Variants in LRP2BP observed in about 807,000 individuals in gnomAD.
LRP2BP encodes LRP2-binding protein.
A neutral mutation model predicts 45.2 loss-of-function variants in LRP2BP; 38 were observed. The observed-to-expected ratio is 0.84, with a 90% confidence interval of 0.65 to 1.10. The LOEUF (loss-of-function observed/expected upper bound fraction) is 1.10. LRP2BP is among the 50% of genes least tolerant of loss of function. The pLI is 0.00. For synonymous variants in LRP2BP, 153 were observed against 153.9 expected, an observed-to-expected ratio of 0.99 and a Z score of 0.04; for missense variants, 385 against 418.9, an observed-to-expected ratio of 0.92 and a Z score of 0.71.
chr4:185,371,482 CA>C (rs1367156525), intron 7 of LRP2BP, among the ~76,000 whole-genome samples: 1 of 143,246 alleles, frequency 7.0e-6, no homozygotes, highest in East Asian at 2.1e-4. Flanking sequence ...GCAGAGCTTG[CA>C]GTGAGCCGAG....
At chr4:185,390,004 A>G (rs1419554786) in intron 1 of LRP2BP, among the ~76,000 whole-genome samples, 3 of 152,266 alleles carry the variant, frequency 2.0e-5, no homozygotes, top group African/African-American at 4.8e-5. Context: ...AACTATGGGC[A>G]TAAGAATTCC....
rs1406356344 is a variant in LRP2BP at position 185,394,946 on chromosome 4, CGCCTGG to C, written c.-195_-190del. On this transcript the variant is annotated 5_prime_UTR_variant, in exon 1 of 9. Transcript: ENST00000505916. ...TAGAAAATTGATCCCACCTGCTACA[CGCCTGG>C]TGAAACTCCAGTTACTTGCCAGTAA... The C allele has an allele frequency of 4.1e-6, 4 of 985,384 alleles. No homozygotes were observed. The African/African-American group carries it at 7.0e-5, about 17-fold the overall frequency. 61.0% of individuals were successfully genotyped at this position (985,384 alleles called of 1,614,324 possible). A position where few individuals can be genotyped will look rare whatever the true frequency, so the allele number is the denominator to read the frequency against.
intron 1 of LRP2BP, among the ~76,000 whole-genome samples, chr4:185,394,157 C>G (rs1323165304): frequency 6.6e-6 from 1 of 151,058 alleles, no homozygotes. Context: ...ACTTGGGTGG[C>G]TGACGCACGA....
intron 1 of LRP2BP, among the ~76,000 whole-genome samples, chr4:185,391,130 G>A (rs1193699299): frequency 2.0e-5 from 3 of 152,288 alleles, no homozygotes; most frequent in Admixed American, 6.5e-5. Flanking sequence ...AATACTAGCC[G>A]TGTATCCTAA....
chr4:185,387,690 G>A (rs1345196882), intron 1 of LRP2BP, among the ~76,000 whole-genome samples: 1 of 152,192 alleles, frequency 6.6e-6, no homozygotes, highest in African/African-American at 2.4e-5. Flanking sequence ...ATTGGCCACA[G>A]ATGGACAGCC....
At position 185,393,359 on chromosome 4, in the gene LRP2BP, A is replaced by G. The variant is rs146037190; in HGVS notation, c.-22+1420T>C. Among the ~76,000 whole-genome samples, 889 of 152,328 alleles carry G rather than the reference A, an allele frequency of 5.8e-3. 10 individuals are homozygous for G. Among genetic ancestry groups the G allele is most frequent in the African/African-American group, 0.02 (827 of 41,570 alleles). On this transcript the variant is annotated intron_variant, in intron 1 of 8. Coordinates refer to ENST00000505916, the MANE Select transcript of LRP2BP (RefSeq NM_001377440.1). The stretch of plus-strand genomic sequence containing the variant: ...GGTATTCTCAATTACTCCTCCTTTC[A>G]ATACTGTGCCTTTTGGTAATGCTTT...
intron 7 of LRP2BP, among the ~76,000 whole-genome samples, chr4:185,371,701 T>A (rs2095416748): frequency 6.6e-6 from 1 of 152,168 alleles, no homozygotes; most frequent in Admixed American, 6.5e-5. Flanking sequence ...GCGCCGAAGA[T>A]TTTAAAGAAT....
intron 1 of LRP2BP, chr4:185,379,020 T>G (rs6812770): frequency 1.0e-6 from 1 of 971,726 alleles, no homozygotes; most frequent in Non-Finnish European, 1.2e-6. Context: ...ATAAATTGCT[T>G]AAGTGAGAAT....
At chr4:185,385,913 G>GT (rs1561091027) in intron 1 of LRP2BP, among the ~76,000 whole-genome samples, 1 of 147,744 alleles carries the variant, frequency 6.8e-6, no homozygotes, top group Non-Finnish European at 1.5e-5. Flanking sequence ...GGAGGGGGGG[G>GT]GGGAGATAAA....
rs918177895 is a variant in LRP2BP at position 185,367,135 on chromosome 4, T to G, written c.*45A>C. 4.1e-6 allele frequency: 6 copies of G among 1,465,738 alleles called. No individual in the cohort carries two copies. The African/African-American group carries it at 8.4e-5, about 20-fold the overall frequency. The allele number at this position is 1,465,738 out of a possible 1,614,324, so 90.8% of individuals were successfully genotyped here. On this transcript the variant is annotated 3_prime_UTR_variant, in exon 9 of 9. Coordinates refer to ENST00000505916, the MANE Select transcript of LRP2BP (RefSeq NM_001377440.1). ...ATAGCTACTGTAAAAATACACACAT[T>G]GTGAGGTGTTAGCATTGATGATCTT... is the stretch of plus-strand genomic sequence containing the variant.
intron 4 of LRP2BP, among the ~76,000 whole-genome samples, chr4:185,375,186 T>C (rs2095429074): frequency 6.6e-6 from 1 of 151,216 alleles, no homozygotes; most frequent in Non-Finnish European, 1.5e-5. Context: ...TGATCTTGGC[T>C]CACTGCAGCC....
chr4:185,393,724 C>T (rs1302397219), intron 1 of LRP2BP, among the ~76,000 whole-genome samples: 2 of 151,938 alleles, frequency 1.3e-5, no homozygotes, highest in Non-Finnish European at 2.9e-5. Context: ...CGGGGTTTCA[C>T]CATGTTGGCC....
intron 6 of LRP2BP, 59 bp from the exon 7 acceptor site, chr4:185,373,138 A>G: frequency 7.0e-7 from 1 of 1,438,230 alleles, no homozygotes; most frequent in Non-Finnish European, 9.7e-7. Flanking sequence ...ATTATAAGGG[A>G]ATACTAGACA....
In LRP2BP at chr4:185,395,013, T is replaced by G; in HGVS notation, c.-256A>C. On this transcript the variant is annotated 5_prime_UTR_variant, in exon 1 of 9. Transcript: ENST00000505916. ...CCCAAATGTACTTATCCTGTTTTTG[T>G]GCATTATAAGCTTTGTTCAGTTTAT... 1 of 985,502 alleles carries G rather than the reference T, an allele frequency of 1.0e-6. No individual in the cohort carries two copies. Among genetic ancestry groups the G allele is most frequent in the Non-Finnish European group, 1.2e-6 (1 of 829,942 alleles). 61.0% of individuals were successfully genotyped at this position (985,502 alleles called of 1,614,324 possible).
intron 4 of LRP2BP, among the ~76,000 whole-genome samples, chr4:185,374,976 C>T (rs903189822): frequency 2.0e-5 from 3 of 152,194 alleles, no homozygotes; most frequent in Middle Eastern, 3.4e-3. Context: ...ACATCTGCTA[C>T]GTGGTCACAA....
In LRP2BP at chr4:185,395,085, T is replaced by C. The variant is rs1043006939; in HGVS notation, c.-328A>G. 6 of 905,570 alleles carry C rather than the reference T, an allele frequency of 6.6e-6. No homozygotes were observed. Among genetic ancestry groups the C allele is most frequent in the Admixed American group, 3.0e-4 (2 of 6,772 alleles). The allele number at this position is 905,570 out of a possible 1,614,324, so 56.1% of individuals were successfully genotyped here. A position where few individuals can be genotyped will look rare whatever the true frequency, so the allele number is the denominator to read the frequency against. On this transcript the variant is annotated 5_prime_UTR_variant, in exon 1 of 9. Transcript: ENST00000505916. ...AGTCAAGTCAGATATCCAGCTGAGA[T>C]ACAACTTTTTTTTCTGAAAACAATG...
In LRP2BP at chr4:185,373,068, C is replaced by T. The variant is rs981072796; in HGVS notation, c.591G>A (p.Trp197Ter). 3 of 1,604,974 alleles carry T rather than the reference C, an allele frequency of 1.9e-6. No individual in the cohort carries two copies. Among genetic ancestry groups the T allele is most frequent in the East Asian group, 2.2e-5 (1 of 44,546 alleles). ...TCCCATTGCCACATGCTTCGGAATG[C>T]CAGTAAAATGCCTAAGAAAAGCACA... ...EPKELEKAFYWHSEACGNGNL... is the reference protein window; with the variant it reads ...EPKELEKAFY Residue 197 changes from tryptophan to a stop codon, truncating the protein, a stop_gained, in exon 7 of 9, where the codon TGG becomes TGA. Transcript: ENST00000505916. LOFTEE classifies it high-confidence loss of function.
intron 7 of LRP2BP, among the ~76,000 whole-genome samples, chr4:185,372,140 G>A (rs2095418275): frequency 6.6e-6 from 1 of 152,154 alleles, no homozygotes; most frequent in South Asian, 2.1e-4. Context: ...GTATTTCAGT[G>A]GTGCAGTTAT....
intron 8 of LRP2BP, chr4:185,369,971 C>T: frequency 4.0e-6 from 1 of 247,686 alleles, no homozygotes; most frequent in Non-Finnish European, 8.1e-6. Flanking sequence ...ACCAAGTCTG[C>T]TATGATGTAA....
Sources: allele counts gnomAD v4.1 joint callset (sites outside exome capture counted in the v4.1 genomes callset), GRCh38; gene constraint gnomAD v4.1.1; transcripts MANE v1.5; gene names NCBI Gene and HGNC (gene_info 2026-07-23, HGNC 2026-07-21).